PKIA: variants seen among roughly 807,000 people sequenced by gnomAD.
The protein encoded by PKIA is cAMP-dependent protein kinase inhibitor alpha.
Under a neutral mutation model 7.6 loss-of-function variants are expected in PKIA, and 4 were observed. The observed-to-expected ratio is 0.52, with a 90% confidence interval of 0.26 to 1.20. The LOEUF (loss-of-function observed/expected upper bound fraction) is 1.20. Among genes scored for constraint, PKIA ranks in the 50% most tolerant of loss-of-function variants. PKIA has a pLI of 0.13. For missense variants in PKIA, 73 were observed against 86.2 expected (o/e 0.85, Z 0.61); for synonymous variants, 21 against 30.7 (o/e 0.68, Z 1.04).
chr8:78,550,314 T>C (rs1394580960), intron 1 of PKIA, among the ~76,000 whole-genome samples: 1 of 152,146 alleles, frequency 6.6e-6, no homozygotes, highest in Non-Finnish European at 1.5e-5. Flanking sequence ...TTATTATCTT[T>C]CTTGATTATT....
intron 1 of PKIA, among the ~76,000 whole-genome samples, chr8:78,517,741 A>G (rs1302871834): frequency 3.3e-5 from 5 of 152,192 alleles, no homozygotes; most frequent in Non-Finnish European, 7.3e-5. Flanking sequence ...GTTGCCACCT[A>G]GAGATGTACA....
chr8:78,560,510 A>T (rs1807260162), intron 1 of PKIA, among the ~76,000 whole-genome samples: 1 of 152,208 alleles, frequency 6.6e-6, no homozygotes. Context: ...TCTCTTGAGT[A>T]ATGATTTACC....
chr8:78,571,705 C>G (rs1807552440), intron 1 of PKIA, among the ~76,000 whole-genome samples: 1 of 152,062 alleles, frequency 6.6e-6, no homozygotes, highest in African/African-American at 2.4e-5. Flanking sequence ...TCCTGAGTTT[C>G]CTTGCTCACT....
intron 1 of PKIA, among the ~76,000 whole-genome samples, chr8:78,546,862 C>T (rs1341987390): frequency 6.6e-6 from 1 of 152,116 alleles, no homozygotes; most frequent in East Asian, 1.9e-4. Context: ...CATTTTTAAG[C>T]ATTTGACCAC....
chr8:78,591,884 C>A (rs80259140), intron 2 of PKIA, among the ~76,000 whole-genome samples: 1,759 of 152,146 alleles, frequency 0.012, 16 homozygotes, highest in Non-Finnish European at 0.019. Flanking sequence ...TTTATAAAGT[C>A]AGAATATGTG....
At chr8:78,584,823 A>C (rs1041408169) in intron 2 of PKIA, among the ~76,000 whole-genome samples, 1 of 152,118 alleles carries the variant, frequency 6.6e-6, no homozygotes, top group Non-Finnish European at 1.5e-5. Flanking sequence ...GTCAAAGGAA[A>C]GATTTTGAGA....
intron 2 of PKIA, among the ~76,000 whole-genome samples, chr8:78,592,211 A>G (rs1808116814): frequency 6.6e-6 from 1 of 152,150 alleles, no homozygotes; most frequent in Non-Finnish European, 1.5e-5. Flanking sequence ...CATAGAGAAA[A>G]TCTGGAGTAT....
At chr8:78,531,851 A>C (rs554950667) in intron 1 of PKIA, among the ~76,000 whole-genome samples, 1 of 152,256 alleles carries the variant, frequency 6.6e-6, no homozygotes, top group South Asian at 2.1e-4. Flanking sequence ...ATGGTGTGCT[A>C]TAATTTATAA....
intron 1 of PKIA, among the ~76,000 whole-genome samples, chr8:78,548,553 C>T (rs1246226771): frequency 6.6e-6 from 1 of 152,208 alleles, no homozygotes; most frequent in East Asian, 1.9e-4. Context: ...ACATCCACCT[C>T]ACGTAGATCT....
chr8:78,595,641 G>C (rs150456536), intron 2 of PKIA, among the ~76,000 whole-genome samples: 68 of 152,128 alleles, frequency 4.5e-4, no homozygotes, highest in African/African-American at 1.4e-3. Flanking sequence ...GTGTCCATTT[G>C]TACTCAGTTT....
At chr8:78,549,452 A>T (rs887589133) in intron 1 of PKIA, among the ~76,000 whole-genome samples, 3 of 152,004 alleles carry the variant, frequency 2.0e-5, no homozygotes, top group Non-Finnish European at 4.4e-5. Flanking sequence ...TCTTTAGAAA[A>T]TTTTGCTATA....
At chr8:78,593,951 G>T (rs1383741056) in intron 2 of PKIA, among the ~76,000 whole-genome samples, 1 of 152,096 alleles carries the variant, frequency 6.6e-6, no homozygotes, top group African/African-American at 2.4e-5. Flanking sequence ...ACTGATAAAA[G>T]GTGATTAATA....
intron 2 of PKIA, among the ~76,000 whole-genome samples, chr8:78,590,402 A>G (rs1429773819): frequency 6.6e-6 from 1 of 152,150 alleles, no homozygotes; most frequent in Non-Finnish European, 1.5e-5. Context: ...ATGACTTCAG[A>G]TTCCACATTG....
intron 1 of PKIA, among the ~76,000 whole-genome samples, chr8:78,561,651 A>G (rs536585739): frequency 6.6e-6 from 1 of 152,284 alleles, no homozygotes; most frequent in Admixed American, 6.5e-5. Context: ...TCAGTAGAGC[A>G]CAGTGGTTGG....
chr8:78,556,028 G>A (rs1328234778), intron 1 of PKIA, among the ~76,000 whole-genome samples: 1 of 152,026 alleles, frequency 6.6e-6, no homozygotes, highest in Non-Finnish European at 1.5e-5. Context: ...AATAAAATAT[G>A]ATAGAAAGCA....
intron 2 of PKIA, 55 bp downstream of exon 2, chr8:78,572,994 C>G (rs967934998): frequency 2.6e-5 from 4 of 151,982 alleles, no homozygotes; most frequent in African/African-American, 9.7e-5. Context: ...ATGCTGAGAA[C>G]TGGTTATGGT....
chr8:78,537,074 C>T (rs1806545981), intron 1 of PKIA, among the ~76,000 whole-genome samples: 1 of 151,726 alleles, frequency 6.6e-6, no homozygotes, highest in Non-Finnish European at 1.5e-5. Context: ...TTTTGGGGAC[C>T]AGTTATGAAG....
At chr8:78,532,420 G>C (rs1012549573) in intron 1 of PKIA, among the ~76,000 whole-genome samples, 9 of 149,060 alleles carry the variant, frequency 6.0e-5, no homozygotes, top group Admixed American at 5.5e-4. Flanking sequence ...GCTTCCCTAA[G>C]AAAGAAGAAA....
At chr8:78,540,970 T>C (rs1806672217) in intron 1 of PKIA, among the ~76,000 whole-genome samples, 1 of 152,020 alleles carries the variant, frequency 6.6e-6, no homozygotes, top group African/African-American at 2.4e-5. Flanking sequence ...ATTGGCAAAT[T>C]TTATTTATTT....
Sources: gnomAD v4.1 joint callset for allele counts (sites outside exome capture counted in the v4.1 genomes callset) on GRCh38, gnomAD v4.1.1 for gene constraint, MANE v1.5 for transcripts, NCBI Gene and HGNC (gene_info 2026-07-23, HGNC 2026-07-21) for gene names.